The following DAB1 variants were observed in gnomAD, a reference collection of about 807,000 sequenced individuals.
DAB1 encodes the protein DAB adaptor protein 1.
Under a neutral mutation model 64.6 loss-of-function variants are expected in DAB1, and 15 were observed. The observed-to-expected ratio is 0.23, with a 90% CI of 0.16 to 0.36. The LOEUF (loss-of-function observed/expected upper bound fraction) is 0.36, where lower values mean the gene tolerates loss of function less well. DAB1 is among the 10% of genes least tolerant of loss of function. The pLI is 1.00. For missense variants in DAB1, 596 were observed against 706.7 expected, an observed-to-expected ratio of 0.84 and a Z score of 1.78; for synonymous variants, 235 against 251.9, an observed-to-expected ratio of 0.93 and a Z score of 0.64.
At chr1:57,163,878 G>A (rs1381887910) in intron 2 of DAB1, among the ~76,000 whole-genome samples, 36 of 152,296 alleles carry the variant, frequency 2.4e-4, no homozygotes, top group Non-Finnish European at 4.7e-4. Context: ...AAAGCCAAGA[G>A]AACCTGGTGC....
intron 6 of DAB1, among the ~76,000 whole-genome samples, chr1:57,753,977 T>C (rs939932184): frequency 2.0e-5 from 3 of 152,182 alleles, no homozygotes; most frequent in African/African-American, 7.2e-5. Flanking sequence ...GTCTAATCTT[T>C]CCAGTTTAGA....
At chr1:58,361,222 C>T (rs1557739725) in intron 3 of DAB1, among the ~76,000 whole-genome samples, 2 of 152,146 alleles carry the variant, frequency 1.3e-5, no homozygotes, top group African/African-American at 4.8e-5. Context: ...TAGGGCCTAC[C>T]TGCTTCTTTA....
chr1:57,876,835 A>G (rs1644055175), intron 1 of DAB1: 1 of 152,118 alleles, frequency 6.6e-6, no homozygotes, highest in South Asian at 2.1e-4. Flanking sequence ...AATATCTCCA[A>G]ATTGCAGGTG....
intron 7 of DAB1, among the ~76,000 whole-genome samples, chr1:57,460,963 C>T (rs1301038051): frequency 6.6e-6 from 1 of 152,120 alleles, no homozygotes; most frequent in East Asian, 1.9e-4. Flanking sequence ...TAAACGTGTG[C>T]CATGGTGGTT....
intron 2 of DAB1, among the ~76,000 whole-genome samples, chr1:57,233,255 CTTTTTTTT>C (rs1186221366): frequency 2.5e-4 from 15 of 60,806 alleles, no homozygotes; most frequent in Admixed American, 9.5e-4. Flanking sequence ...TGCTCCGATT[CTTTTTTTT>C]TTTTTTTTTT....
chr1:57,719,977 T>C (rs1429440361), intron 6 of DAB1, among the ~76,000 whole-genome samples: 1 of 152,226 alleles, frequency 6.6e-6, no homozygotes, highest in Non-Finnish European at 1.5e-5. Context: ...TACTTTTCTC[T>C]TTGACATTTA....
At chr1:57,417,408 C>T (rs1684573152) in intron 1 of DAB1, among the ~76,000 whole-genome samples, 2 of 152,104 alleles carry the variant, frequency 1.3e-5, no homozygotes, top group Admixed American at 1.3e-4. Context: ...TTTCAAATCA[C>T]ACACATATTA....
intron 2 of DAB1, among the ~76,000 whole-genome samples, chr1:58,514,660 C>T (rs1646132055): frequency 6.6e-6 from 1 of 152,162 alleles, no homozygotes; most frequent in Non-Finnish European, 1.5e-5. Context: ...TGAGACAATA[C>T]TACAAAGGAT....
chr1:58,256,218 T>C (rs1557716558), intron 4 of DAB1, among the ~76,000 whole-genome samples: 1 of 152,240 alleles, frequency 6.6e-6, no homozygotes, highest in Non-Finnish European at 1.5e-5. Context: ...TGCCAGAGTC[T>C]ATGGGTGCAC....
At chr1:57,053,246 C>T (rs905884154) in intron 9 of DAB1, among the ~76,000 whole-genome samples, 19 of 152,084 alleles carry the variant, frequency 1.2e-4, no homozygotes, top group African/African-American at 4.1e-4. Context: ...TTCATCAAAA[C>T]GAAAATTTTT....
intron 8 of DAB1, 42 bp downstream of exon 8, chr1:57,069,318 C>G: frequency 6.9e-7 from 1 of 1,453,908 alleles, no homozygotes. Context: ...TATGCATGTA[C>G]TAGTAGTGGT....
chr1:57,005,253 A>T (rs374157555), intron 14 of DAB1, among the ~76,000 whole-genome samples: 6 of 152,148 alleles, frequency 3.9e-5, no homozygotes, highest in African/African-American at 1.2e-4. Context: ...GGCATCAATG[A>T]TCTGTTTTGC....
At chr1:57,137,572 G>T (rs1410982477) in intron 3 of DAB1, among the ~76,000 whole-genome samples, 2 of 114,556 alleles carry the variant, frequency 1.7e-5, no homozygotes, top group East Asian at 2.6e-4. Context: ...ACCTTTCAAG[G>T]GATCTACACC....
chr1:57,785,826 T>A (rs1650312429), intron 6 of DAB1, among the ~76,000 whole-genome samples: 1 of 152,204 alleles, frequency 6.6e-6, no homozygotes, highest in Non-Finnish European at 1.5e-5. Context: ...TAAACTTGAT[T>A]GATGAAGCAG....
chr1:58,330,087 C>G (rs1444040848), intron 4 of DAB1, among the ~76,000 whole-genome samples: 3 of 152,154 alleles, frequency 2.0e-5, no homozygotes, highest in African/African-American at 7.2e-5. Flanking sequence ...AAATGATTAT[C>G]CTACTTGTGA....
intron 5 of DAB1, among the ~76,000 whole-genome samples, chr1:58,041,904 A>T (rs1647142452): frequency 6.6e-6 from 1 of 152,222 alleles, no homozygotes; most frequent in African/African-American, 2.4e-5. Context: ...ACCTGCTAAG[A>T]AAGGGCTTAT....
At chr1:57,643,420 T>C (rs1280712149) in intron 7 of DAB1, among the ~76,000 whole-genome samples, 1 of 152,202 alleles carries the variant, frequency 6.6e-6, no homozygotes, top group African/African-American at 2.4e-5. Context: ...TTATTTGTAG[T>C]CAGATTTATA....
chr1:58,290,541 T>C (rs1007487783), intron 4 of DAB1, among the ~76,000 whole-genome samples: 1 of 152,138 alleles, frequency 6.6e-6, no homozygotes, highest in Non-Finnish European at 1.5e-5. Flanking sequence ...ATCTAATCTA[T>C]ATGTCACAGT....
chr1:57,312,026 G>T (rs1365663047), intron 1 of DAB1, among the ~76,000 whole-genome samples: 1 of 152,184 alleles, frequency 6.6e-6, no homozygotes, highest in Non-Finnish European at 1.5e-5. Context: ...GGAGGCGGAG[G>T]TATCTAAAGT....
Sources: gnomAD v4.1 joint callset for allele counts (sites outside exome capture counted in the v4.1 genomes callset) on GRCh38, gnomAD v4.1.1 for gene constraint, MANE v1.5 for transcripts, NCBI Gene and HGNC (gene_info 2026-07-23, HGNC 2026-07-21) for gene names.